Variants in HEATR5B observed in about 807,000 individuals in gnomAD.
HEATR5B encodes the protein HEAT repeat-containing protein 5B.
HEATR5B carries 156 observed loss-of-function variants against 224.1 expected under a neutral mutation model. The observed-to-expected ratio is 0.70, with a 90% CI of 0.61 to 0.80. The LOEUF is 0.80. Among genes scored for constraint, HEATR5B ranks in the 30% least tolerant of loss-of-function variants. HEATR5B has a pLI of 0.00. For synonymous variants in HEATR5B, 1,027 were observed against 893.0 expected (o/e 1.15, Z -2.68); for missense variants, 2,323 against 2,535.5 (o/e 0.92, Z 1.80).
intron 35 of HEATR5B, among the ~76,000 whole-genome samples, chr2:36,983,690 T>C (rs1403838180): frequency 1.3e-4 from 20 of 151,864 alleles, no homozygotes; most frequent in Admixed American, 1.2e-3. Flanking sequence ...ATCGTGCCAT[T>C]GCACTCCAGC....
intron 12 of HEATR5B, among the ~76,000 whole-genome samples, 169 bp from the exon 13 acceptor site, chr2:37,059,156 A>G (rs1402456009): frequency 2.0e-5 from 3 of 151,840 alleles, no homozygotes. Context: ...ACAAAGAAAA[A>G]TCGTGGAAAA....
intron 17 of HEATR5B, among the ~76,000 whole-genome samples, chr2:37,051,253 G>A (rs1167341706): frequency 6.7e-6 from 1 of 148,942 alleles, no homozygotes; most frequent in Non-Finnish European, 1.5e-5. Context: ...CTACTCGGGA[G>A]GCTGAGGCAG....
rs762191022 is a variant in HEATR5B at position 37,008,638 on chromosome 2, C to T, written c.4495G>A (p.Glu1499Lys). 13 of 1,613,716 alleles carry T rather than the reference C, an allele frequency of 8.1e-6. No homozygotes were observed. In the South Asian group the frequency reaches 9.9e-5, roughly 12 times the overall value. ...KDYALLTLPAEFSSQLPPDGG... is the reference protein window; with the variant it reads ...KDYALLTLPAKFSSQLPPDGG... ...TCTGGAGGAAGCTGACTAGAAAATT[C>T]GGCTGGTAAAGTCAAGAGTGCATAA... is the stretch of plus-strand genomic sequence containing the variant. The change falls in exon 28 of 36, where the codon GAA becomes AAA. Residue 1499 changes from glutamate (E) to lysine (K), a missense_variant. By Grantham distance (56) the Glu-to-Lys change is moderately conservative. Transcript: ENST00000233099.
chr2:37,066,500 T>C (rs1176474676), intron 8 of HEATR5B, among the ~76,000 whole-genome samples: 1 of 152,216 alleles, frequency 6.6e-6, no homozygotes. Flanking sequence ...AATGAATCTA[T>C]AAGGAAAATG....
At chr2:37,065,704 T>G in intron 9 of HEATR5B, 51 bp downstream of exon 9, 1 of 1,505,342 alleles carries the variant, frequency 6.6e-7, no homozygotes, top group Non-Finnish European at 9.2e-7. Context: ...CAATCACACT[T>G]ATGACTGAAA....
chr2:37,040,187 C>T, intron 20 of HEATR5B, 142 bp downstream of exon 20: 2 of 648,286 alleles, frequency 3.1e-6, no homozygotes, highest in East Asian at 3.1e-5. Flanking sequence ...AAGCTGAGTG[C>T]CAGGCTTTCA....
chr2:37,050,855 T>C (rs1000875170), intron 17 of HEATR5B, among the ~76,000 whole-genome samples: 1 of 151,980 alleles, frequency 6.6e-6, no homozygotes. Flanking sequence ...CTGGCCAACA[T>C]GGTGAAAACC....
At chr2:37,006,114 A>G (rs1223020075) in intron 29 of HEATR5B, among the ~76,000 whole-genome samples, 1 of 152,088 alleles carries the variant, frequency 6.6e-6, no homozygotes, top group African/African-American at 2.4e-5. Flanking sequence ...TAGCCAAATA[A>G]TTTTTCATGC....
chr2:37,060,465 A>G, intron 12 of HEATR5B, 116 bp downstream of exon 12: 2 of 820,746 alleles, frequency 2.4e-6, no homozygotes, highest in Non-Finnish European at 3.6e-6. Context: ...CTAAAAGCCT[A>G]TGAATTTATC....
intron 12 of HEATR5B, among the ~76,000 whole-genome samples, chr2:37,059,443 TG>T (rs1671126666): frequency 1.6e-5 from 1 of 60,722 alleles, no homozygotes; most frequent in Non-Finnish European, 3.5e-5. Context: ...TGTGTGTGTG[TG>T]TGTATATATA....
chr2:37,038,015 G>A lies in HEATR5B; in HGVS notation c.3056C>T (p.Ala1019Val), dbSNP rs1159253279. The A allele has an allele frequency of 3.3e-6, 5 of 1,524,238 alleles. No individual in the cohort carries two copies. The highest frequency in any genetic ancestry group is 1.9e-5 in the Admixed American group (1 of 52,640). The allele number at this position is 1,524,238 out of a possible 1,614,324, so 94.4% of individuals were successfully genotyped here. ...TVGPELQGNGATTSTIRSSCL... is the reference protein window; with the variant it reads ...TVGPELQGNGVTTSTIRSSCL... Reference sequence around the variant, plus strand: ...AGAGGAACGAATTGTAGAAGTTGTTGCTCCATTCCCTGGTGCAAAATGAAA... The same window carrying A: ...AGAGGAACGAATTGTAGAAGTTGTTACTCCATTCCCTGGTGCAAAATGAAA... Residue 1019 changes from alanine (A) to valine (V), a missense_variant, in exon 21 of 36, where the codon GCA becomes GTA. Physicochemically the swap from Ala to Val is moderately conservative, Grantham distance 64. Transcript: ENST00000233099.
In HEATR5B at chr2:37,084,334, T is replaced by C. The variant is rs893635536; in HGVS notation, c.-88A>G. 2.4e-6 allele frequency: 1 copy of C among 412,428 alleles called. No homozygotes were observed. The highest frequency in any genetic ancestry group is 2.1e-5 in the African/African-American group (1 of 48,594). 25.5% of individuals were successfully genotyped at this position (412,428 alleles called of 1,614,324 possible). A position where few individuals can be genotyped will look rare whatever the true frequency, so the allele number is the denominator to read the frequency against. ...AGAAGCAGCCACCAAGAGACCCGGA[T>C]GCCCCACCTCCCGCACTCCTACCTG... is the stretch of plus-strand genomic sequence containing the variant. On this transcript the variant is annotated 5_prime_UTR_variant, in exon 1 of 36. Coordinates refer to ENST00000233099, the MANE Select transcript of HEATR5B (RefSeq NM_019024.3).
chr2:37,060,516 C>T (rs1398672726), intron 12 of HEATR5B, 65 bp downstream of exon 12: 13 of 1,339,642 alleles, frequency 9.7e-6, no homozygotes, highest in African/African-American at 3.0e-5. Context: ...AGTGATTTTT[C>T]TTTTACTTTA....
At chr2:37,024,020 C>T (rs1668619572) in intron 24 of HEATR5B, among the ~76,000 whole-genome samples, 1 of 152,074 alleles carries the variant, frequency 6.6e-6, no homozygotes, top group South Asian at 2.1e-4. Flanking sequence ...CTGTGTCTAT[C>T]AATTGATAAA....
chr2:36,990,539 T>G, intron 34 of HEATR5B, 109 bp downstream of exon 34: 1 of 1,011,680 alleles, frequency 9.9e-7, no homozygotes, highest in Non-Finnish European at 1.4e-6. Flanking sequence ...AAAGCCATAG[T>G]GCAAATACTT....
intron 22 of HEATR5B, 76 bp downstream of exon 22, chr2:37,032,553 T>G (rs1669198712): frequency 8.1e-7 from 1 of 1,227,224 alleles, no homozygotes; most frequent in Admixed American, 2.3e-5. Context: ...AGAAAAATGT[T>G]ATTTGATAAA....
intron 21 of HEATR5B, 121 bp downstream of exon 21, chr2:37,037,734 G>T: frequency 2.0e-6 from 1 of 495,882 alleles, no homozygotes; most frequent in Non-Finnish European, 3.4e-6. Context: ...CTGTAGGCTT[G>T]CATCAAAATA....
intron 33 of HEATR5B, among the ~76,000 whole-genome samples, chr2:36,993,115 C>T (rs1666446490): frequency 6.6e-6 from 1 of 152,032 alleles, no homozygotes; most frequent in Non-Finnish European, 1.5e-5. Context: ...GGAGAAGGGG[C>T]TGATTCTAGA....
At chr2:37,014,128 AAAAC>A (rs1248702173) in intron 26 of HEATR5B, 108 bp from the exon 27 acceptor site, 3 of 558,588 alleles carry the variant, frequency 5.4e-6, no homozygotes, top group African/African-American at 1.9e-5. Context: ...ACCAAAGAAC[AAAAC>A]AAAATAAACT....
Sources: gnomAD v4.1 joint callset for allele counts (sites outside exome capture counted in the v4.1 genomes callset) on GRCh38, gnomAD v4.1.1 for gene constraint, MANE v1.5 for transcripts, NCBI Gene and HGNC (gene_info 2026-07-23, HGNC 2026-07-21) for gene names.